CAMKK2: variants seen among roughly 807,000 people sequenced by gnomAD.
CAMKK2 encodes the protein calcium/calmodulin dependent protein kinase kinase 2.
In CAMKK2, 30 loss-of-function variants were observed where a neutral mutation model predicts 67.2. The observed-to-expected ratio is 0.45, with a 90% confidence interval of 0.33 to 0.61. CAMKK2 has a LOEUF of 0.61. Among genes scored for constraint, CAMKK2 ranks in the 20% least tolerant of loss-of-function variants. CAMKK2 has a pLI of 0.02. For synonymous variants in CAMKK2, 322 were observed against 326.2 expected (o/e 0.99, Z 0.14); for missense variants, 643 against 802.0 (o/e 0.80, Z 2.39).
At chr12:121,254,592 T>C (rs894265006) in intron 9 of CAMKK2, among the ~76,000 whole-genome samples, 3 of 152,074 alleles carry the variant, frequency 2.0e-5, no homozygotes. Context: ...GAAGCTAAGG[T>C]TCCAGGAGGT....
intron 1 of CAMKK2, among the ~76,000 whole-genome samples, chr12:121,279,253 G>A (rs561535163): frequency 3.2e-4 from 48 of 152,302 alleles, no homozygotes; most frequent in Admixed American, 1.7e-3. Flanking sequence ...CTCAGACCCC[G>A]GGCAGGGACG....
upstream of CAMKK2, chr12:121,296,781 G>C (rs1017748016): frequency 6.8e-6 from 1 of 146,340 alleles, no homozygotes; most frequent in East Asian, 2.0e-4. This position sits in a 1 kb window ranked among gnomAD's most constrained non-coding sequence, Gnocchi z 7.1. Flanking sequence ...GGAGCCGCCC[G>C]GCTCGGCTTG....
chr12:121,284,706 G>A (rs761407021), intron 1 of CAMKK2, among the ~76,000 whole-genome samples: 25 of 152,190 alleles, frequency 1.6e-4, no homozygotes, highest in Admixed American at 7.2e-4. Flanking sequence ...ATAAAGTCCA[G>A]GCTGGACCAA....
chr12:121,241,658 C>T (rs927110220), intron 16 of CAMKK2, among the ~76,000 whole-genome samples: 3 of 152,236 alleles, frequency 2.0e-5, no homozygotes, highest in African/African-American at 7.2e-5. Context: ...GTCCTTCCCC[C>T]ACAACAATCC....
Position 121,240,876 on chromosome 12 carries a change from A to C in CAMKK2, c.1597-7T>G. 6.2e-7 allele frequency: 1 copy of C among 1,612,072 alleles called. No homozygotes were observed. The highest frequency in any genetic ancestry group is 8.5e-7 in the Non-Finnish European group (1 of 1,179,822). On this transcript the variant is annotated splice_polypyrimidine_tract_variant and splice_region_variant and intron_variant, in intron 16 of 16. Transcript: ENST00000404169. The surrounding 1 kb of genome is among the most constrained non-coding windows in gnomAD (Gnocchi z 4.4). ...GTCTTCGCTGCCTTGCTTCCTGCTC[A>C]CCGAACAGAAAACCAACATTAAGAC...
At chr12:121,292,899 T>C (rs938050465) in intron 1 of CAMKK2, among the ~76,000 whole-genome samples, 2 of 149,624 alleles carry the variant, frequency 1.3e-5, no homozygotes, top group Non-Finnish European at 3.0e-5. Context: ...AGCCCAGGAG[T>C]TGGAGACTAC....
At chr12:121,257,763 G>C (rs1269216196) in intron 7 of CAMKK2, among the ~76,000 whole-genome samples, 1 of 152,076 alleles carries the variant, frequency 6.6e-6, no homozygotes, top group Non-Finnish European at 1.5e-5. Flanking sequence ...TGCTGCTAAG[G>C]TACAGCTTCT....
intron 7 of CAMKK2, 87 bp from the exon 8 acceptor site, chr12:121,255,891 A>G: frequency 8.1e-7 from 1 of 1,235,890 alleles, no homozygotes; most frequent in East Asian, 2.3e-5. Flanking sequence ...CCACCTCCAG[A>G]AACACCAAGA....
chr12:121,241,545 G>A (rs566054329), intron 16 of CAMKK2, among the ~76,000 whole-genome samples: 2 of 152,348 alleles, frequency 1.3e-5, no homozygotes, highest in South Asian at 4.1e-4. Flanking sequence ...CGTGGATGGC[G>A]TGACAGGTGC....
chr12:121,277,130 T>G (rs1474608355), intron 1 of CAMKK2, among the ~76,000 whole-genome samples: 1 of 151,980 alleles, frequency 6.6e-6, no homozygotes, highest in Non-Finnish European at 1.5e-5. Context: ...AAATAGCTAC[T>G]ACGCCAGGCA....
chr12:121,259,508 A>G (rs146854255), intron 7 of CAMKK2, among the ~76,000 whole-genome samples: 62 of 152,282 alleles, frequency 4.1e-4, no homozygotes, highest in Non-Finnish European at 6.9e-4. Flanking sequence ...TTACGCTAAG[A>G]ATGCCATTCT....
Position 121,253,331 on chromosome 12 carries a change from G to T in CAMKK2, c.1049C>A (p.Thr350Lys). The T allele has an allele frequency of 6.2e-7, 1 of 1,614,218 alleles. No individual in the cohort carries two copies. Among genetic ancestry groups the T allele is most frequent in the Non-Finnish European group, 8.5e-7 (1 of 1,180,038 alleles). The stretch of plus-strand genomic sequence containing the variant: ...CGACTCGGGTGCCATGAAGGCGGGC[G>T]TGCCCACGGTGTTGGAGAGGAGCGC... ...SDALLSNTVG[T>K]PAFMAPESLS... The change falls in exon 10 of 17, where the codon ACG becomes AAG. Residue 350 changes from threonine (T) to lysine (K), a missense_variant. This residue lies in a region of CAMKK2 where 483 missense variants were observed against 625.8 expected (regional missense o/e 0.77). Transcript: ENST00000404169. The surrounding 1 kb of genome is among the most constrained non-coding windows in gnomAD (Gnocchi z 5.0).
chr12:121,268,761 C>T (rs1421664908), intron 4 of CAMKK2, 72 bp from the exon 5 acceptor site: 21 of 1,468,158 alleles, frequency 1.4e-5, no homozygotes, highest in South Asian at 2.3e-5. Flanking sequence ...GGAAGGAGGG[C>T]GCAGTCGGGG....
chr12:121,269,188 G>T (rs772619114), intron 4 of CAMKK2, among the ~76,000 whole-genome samples: 2 of 152,122 alleles, frequency 1.3e-5, no homozygotes, highest in African/African-American at 2.4e-5. Context: ...ATAGATTCAG[G>T]TTCAAAACTA....
chr12:121,246,263 G>A (rs1355194609), intron 14 of CAMKK2, among the ~76,000 whole-genome samples: 1 of 142,006 alleles, frequency 7.0e-6, no homozygotes, highest in Non-Finnish European at 1.5e-5. Context: ...CGGGGGGGGG[G>A]AGGCGGGCGT....
chr12:121,276,204 C>T (rs1205168550), intron 1 of CAMKK2, among the ~76,000 whole-genome samples: 1 of 147,482 alleles, frequency 6.8e-6, no homozygotes, highest in African/African-American at 2.5e-5. Context: ...GTGGTTCATA[C>T]CTGTAATCCT....
rs539665173 is a variant in CAMKK2, at chr12:121,296,476, G to T, written c.-60+162C>A. ...GTCCCTCCACGTGGCGGGGCGTGGGGAGGCGCACGTGGGGTCCCTCCGTGT... is the reference window on the plus strand; with the variant it reads ...GTCCCTCCACGTGGCGGGGCGTGGGTAGGCGCACGTGGGGTCCCTCCGTGT... On this transcript the variant is annotated intron_variant, in intron 1 of 16. Coordinates refer to ENST00000404169, the MANE Select transcript of CAMKK2 (RefSeq NM_001270485.2). This position sits in a 1 kb window ranked among gnomAD's most constrained non-coding sequence, Gnocchi z 7.1. Among the ~76,000 whole-genome samples the T allele has an allele frequency of 6.6e-6, 1 of 152,272 alleles. No homozygotes were observed. The highest frequency in any genetic ancestry group is 2.1e-4 in the South Asian group (1 of 4,832).
intron 2 of CAMKK2, among the ~76,000 whole-genome samples, chr12:121,273,720 C>T (rs1444737724): frequency 6.6e-6 from 1 of 152,092 alleles, no homozygotes. Context: ...AATACCCCAG[C>T]TCCCTTGCCC....
At chr12:121,275,264 A>G (rs1896582205) in intron 1 of CAMKK2, among the ~76,000 whole-genome samples, 1 of 152,172 alleles carries the variant, frequency 6.6e-6, no homozygotes, top group African/African-American at 2.4e-5. Flanking sequence ...CAGGCAGATT[A>G]CTTGAAGCCA....
Sources: allele counts gnomAD v4.1 joint callset (sites outside exome capture counted in the v4.1 genomes callset), GRCh38; gene constraint gnomAD v4.1.1; regional missense constraint gnomAD v4.1.1; non-coding constraint Gnocchi (gnomAD v3.1); transcripts MANE v1.5; gene names NCBI Gene and HGNC (gene_info 2026-07-23, HGNC 2026-07-21).